OGG1: variants seen among roughly 807,000 people sequenced by gnomAD.
OGG1 encodes 8-oxoguanine DNA glycosylase, also known as N-glycosylase/DNA lyase.
A neutral mutation model predicts 42.3 loss-of-function variants in OGG1; 35 were observed. The ratio of observed to expected loss-of-function variants is 0.83; its 90% CI spans 0.63 to 1.10. The LOEUF is 1.10. Ranked by LOEUF, OGG1 falls within the 50% of genes least tolerant of loss-of-function variation. OGG1 has a pLI of 0.00. For missense variants in OGG1, 484 were observed against 446.7 expected (o/e 1.08, Z -0.75); for synonymous variants, 189 against 179.0 (o/e 1.06, Z -0.44).
chr3:9,751,499 C>T (rs556731263), intron 2 of OGG1, among the ~76,000 whole-genome samples: 2 of 152,210 alleles, frequency 1.3e-5, no homozygotes, highest in South Asian at 2.1e-4. Context: ...GCTGTGTGAC[C>T]GGGGATACAC....
At chr3:9,763,380 G>A (rs1437646870) in intron 7 of OGG1, 1 of 246,480 alleles carries the variant, frequency 4.1e-6, no homozygotes, top group Admixed American at 6.7e-5. Flanking sequence ...CTCCAGCCTG[G>A]GCAACAGAGT....
At chr3:9,788,174 ATT>A (rs1429662283) in exon 4 of OGG1, 2 of 154,040 alleles carry the variant, frequency 1.3e-5, no homozygotes, top group Non-Finnish European at 2.9e-5. Context: ...CTCCCTCAAC[ATT>A]TTTCTGTATT....
chr3:9,790,250 C>G (rs992255896), downstream of OGG1, among the ~76,000 whole-genome samples: 2 of 152,186 alleles, frequency 1.3e-5, no homozygotes, highest in African/African-American at 4.8e-5. Flanking sequence ...ACAGAAGAGT[C>G]CTCTCAGCAA....
At chr3:9,780,228 C>T in intron 2 of OGG1, 1 of 992,342 alleles carries the variant, frequency 1.0e-6, no homozygotes, top group Non-Finnish European at 1.5e-6. Context: ...GGGGAAGGGC[C>T]ACGGCCCTCT....
chr3:9,787,971 T>G (rs1182007769), exon 4 of OGG1: 2 of 338,462 alleles, frequency 5.9e-6, no homozygotes, highest in Non-Finnish European at 5.8e-6. Context: ...GAGGGCGAGA[T>G]ACTTGGTGGG....
Position 9,750,422 on chromosome 3 carries a change from C to T in OGG1, c.136C>T (p.Arg46Trp), listed in dbSNP as rs765826854. 2 of 1,613,836 alleles carry T rather than the reference C, an allele frequency of 1.2e-6. No individual in the cohort carries two copies. Among genetic ancestry groups the T allele is most frequent in the Admixed American group, 1.7e-5 (1 of 60,022 alleles). The change falls in exon 1 of 7, where the codon CGG becomes TGG. Residue 46 changes from arginine (R) to tryptophan (W), a missense_variant and splice_region_variant. Coordinates refer to ENST00000344629, the MANE Select transcript of OGG1 (RefSeq NM_002542.6). ...GGTTCTGCCTTCTGGACAATCTTTC[C>T]GGTGAGTGACTGAGCCTGAGAAGCC... ...DLVLPSGQSF[R>W]WREQSPAHWS...
exon 8 of OGG1, chr3:9,766,115 G>A: frequency 7.6e-7 from 1 of 1,313,438 alleles, no homozygotes; most frequent in Non-Finnish European, 1.1e-6. Flanking sequence ...TGTGATGCAA[G>A]CCAGCTTACT....
At chr3:9,774,193 G>T (rs1195487857) in intron 2 of OGG1, among the ~76,000 whole-genome samples, 1 of 152,182 alleles carries the variant, frequency 6.6e-6, no homozygotes, top group Non-Finnish European at 1.5e-5. Flanking sequence ...AGGATCACCT[G>T]AGGTCAGGAG....
chr3:9,780,623 G>C, intron 2 of OGG1: 1 of 1,464,586 alleles, frequency 6.8e-7, no homozygotes, highest in African/African-American at 1.4e-5. Context: ...TCAAGACCGA[G>C]CCTACCCACC....
chr3:9,790,102 T>A, downstream of OGG1: 1 of 1,103,970 alleles, frequency 9.1e-7, no homozygotes, highest in South Asian at 1.8e-5. Flanking sequence ...AGTAAACTCT[T>A]ACTCATCCTT....
Position 9,757,342 on chromosome 3 carries a change from A to T in OGG1, c.*192A>T. On this transcript the variant is annotated 3_prime_UTR_variant, in exon 7 of 7. Coordinates refer to ENST00000344629, the MANE Select transcript of OGG1 (RefSeq NM_002542.6). The surrounding 1 kb of genome is among the most constrained non-coding windows in gnomAD (Gnocchi z 4.5). The stretch of plus-strand genomic sequence containing the variant: ...GGGGGATATTGAGGGAGACAGCGCT[A>T]AGGATGGTTTTATCTTCCCTTTATT... The T allele has an allele frequency of 6.2e-7, 1 of 1,614,146 alleles. No homozygotes were observed. Among genetic ancestry groups the T allele is most frequent in the Non-Finnish European group, 8.5e-7 (1 of 1,180,032 alleles).
chr3:9,750,220 CT>C lies in OGG1; in HGVS notation c.-64del. 6.4e-7 allele frequency: 1 copy of C among 1,561,854 alleles called. No individual in the cohort carries two copies. On this transcript the variant is annotated 5_prime_UTR_variant, in exon 1 of 7. An upstream open reading frame in the 5' UTR gains an earlier in-frame stop. Coordinates refer to ENST00000344629, the MANE Select transcript of OGG1 (RefSeq NM_002542.6). ...GTCGTGGTCCTTGTCTGGGCGGGGTCTTTGGGCGTCGACGAGGCCTGGTTCT... is the reference window on the plus strand; with the variant it reads ...GTCGTGGTCCTTGTCTGGGCGGGGTCTTGGGCGTCGACGAGGCCTGGTTCT...
chr3:9,765,938 C>T, exon 8 of OGG1: 2 of 1,614,174 alleles, frequency 1.2e-6, no homozygotes, highest in Non-Finnish European at 1.7e-6. Context: ...ACCCCAGCTT[C>T]CCTCCAGCCT....
rs561386610 is a variant in OGG1, at chr3:9,751,841, G to T, written c.457G>T (p.Ala153Ser). ...TATCTGTTCCTCCAACAACAACATC[G>T]CCCGCATCACTGGCATGGTGGAGCG... ...SFICSSNNNIARITGMVERLC... is the reference protein window; with the variant it reads ...SFICSSNNNISRITGMVERLC... The change falls in exon 3 of 7, where the codon GCC becomes TCC. Residue 153 changes from alanine to serine, a missense_variant. Coordinates refer to ENST00000344629, the MANE Select transcript of OGG1 (RefSeq NM_002542.6). 2 of 1,614,070 alleles carry T rather than the reference G, an allele frequency of 1.2e-6. No individual in the cohort carries two copies. Among genetic ancestry groups the T allele is most frequent in the Non-Finnish European group, 1.7e-6 (2 of 1,180,006 alleles).
At chr3:9,772,751 G>A (rs772370493) in intron 2 of OGG1, among the ~76,000 whole-genome samples, 6 of 152,164 alleles carry the variant, frequency 3.9e-5, no homozygotes, top group Admixed American at 6.6e-5. Context: ...GTAATGGGCA[G>A]CCATAAGGAA....
chr3:9,781,221 A>C (rs1305432862), intron 2 of OGG1, among the ~76,000 whole-genome samples: 1 of 152,100 alleles, frequency 6.6e-6, no homozygotes, highest in Non-Finnish European at 1.5e-5. Flanking sequence ...GGAGGCAGGA[A>C]GATCACTTGA....
chr3:9,767,388 G>C (rs1478573110), downstream of OGG1, among the ~76,000 whole-genome samples: 1 of 152,170 alleles, frequency 6.6e-6, no homozygotes, highest in African/African-American at 2.4e-5. Context: ...CCAAACCTAG[G>C]CTAGAACACT....
chr3:9,783,957 C>T, intron 3 of OGG1: 1 of 1,518,896 alleles, frequency 6.6e-7, no homozygotes, highest in East Asian at 2.4e-5. Context: ...TGTAAAACCC[C>T]TGAAAGGTGA....
intron 2 of OGG1, among the ~76,000 whole-genome samples, chr3:9,778,158 A>G (rs1314010995): frequency 6.6e-6 from 1 of 152,224 alleles, no homozygotes; most frequent in Non-Finnish European, 1.5e-5. Context: ...TGAGTTCAGA[A>G]CAATGCCTGG....
Sources: gnomAD v4.1 joint callset for allele counts (sites outside exome capture counted in the v4.1 genomes callset) on GRCh38, gnomAD v4.1.1 for gene constraint, Gnocchi (gnomAD v3.1) non-coding constraint, MANE v1.5 for transcripts, NCBI Gene and HGNC (gene_info 2026-07-23, HGNC 2026-07-21) for gene names.